The following CLUH variants were observed in gnomAD, a reference collection of about 807,000 sequenced individuals.
CLUH encodes clustered mitochondria protein homolog.
In CLUH, 77 loss-of-function variants were observed where a neutral mutation model predicts 139.3. The ratio of observed to expected loss-of-function variants is 0.55; its 90% CI spans 0.46 to 0.67. CLUH has a LOEUF of 0.67. Ranked by LOEUF, CLUH falls within the 30% of genes least tolerant of loss-of-function variation. The probability of loss-of-function intolerance (pLI) is 0.00; values close to 1 mark genes in which losing one functional copy is unlikely to be tolerated. For synonymous variants in CLUH, 999 were observed against 801.6 expected, an observed-to-expected ratio of 1.25 and a Z score of -4.16; for missense variants, 1,876 against 1,875.8, an observed-to-expected ratio of 1.00 and a Z score of 0.00.
At chr17:2,696,361 C>G (rs1012302136) in intron 12 of CLUH, 73 bp downstream of exon 12, 2 of 1,513,382 alleles carry the variant, frequency 1.3e-6, no homozygotes, top group African/African-American at 1.4e-5. Context: ...ACCCACCAGC[C>G]CCAAGGGCCC....
At position 2,691,851 on chromosome 17, in the gene CLUH, G is replaced by T; in HGVS notation, c.3699C>A (p.Leu1233=). The stretch of plus-strand genomic sequence containing the variant: ...CCACGGCCTGCTGGGTCAGGCACTT[G>T]AGGTACTCGGAGCTTTCCTTGGTCT... ...HEKTKESSEY[L]KCLTQQAVAL... Residue 1233 remains leucine (L), a synonymous_variant, in exon 24 of 26, where the codon CTC becomes CTA. Transcript: ENST00000651024. 1 of 1,550,736 alleles carries T rather than the reference G, an allele frequency of 6.4e-7. No individual in the cohort carries two copies.
intron 10 of CLUH, 27 bp from the exon 11 acceptor site, chr17:2,696,969 A>T (rs2069972741): frequency 1.3e-6 from 2 of 1,499,040 alleles, no homozygotes; most frequent in Non-Finnish European, 1.8e-6. Context: ...AGGGCAGAGC[A>T]GGAGCTGGAC....
intron 9 of CLUH, among the ~76,000 whole-genome samples, chr17:2,698,842 G>A (rs2070072531): frequency 6.6e-6 from 1 of 152,054 alleles, no homozygotes; most frequent in Non-Finnish European, 1.5e-5. Context: ...TCACGAGTTC[G>A]AGACCAGCCT....
chr17:2,708,867 G>C (rs572428998), intron 1 of CLUH, among the ~76,000 whole-genome samples: 92 of 87,028 alleles, frequency 1.1e-3, no homozygotes, highest in Non-Finnish European at 1.9e-3. Context: ...ACTCGGGGGG[G>C]GGGGAGCAGA....
At chr17:2,709,098 C>T (rs1399181046) in intron 1 of CLUH, among the ~76,000 whole-genome samples, 4 of 152,288 alleles carry the variant, frequency 2.6e-5, no homozygotes, top group South Asian at 2.1e-4. Context: ...CTGGAGGCGC[C>T]GGGAGCTCAA....
At chr17:2,697,859 C>CT in intron 10 of CLUH, 37 bp downstream of exon 10, 4 of 1,445,250 alleles carry the variant, frequency 2.8e-6, no homozygotes, top group Non-Finnish European at 3.6e-6. Context: ...CTCCCTGCAG[C>CT]TGGCCCCGGC....
chr17:2,711,773 T>C, upstream of CLUH: 1 of 324,332 alleles, frequency 3.1e-6, no homozygotes, highest in Non-Finnish European at 4.4e-6. Context: ...CCGGCCCACG[T>C]GGTGCGCGCC....
intron 1 of CLUH, among the ~76,000 whole-genome samples, chr17:2,709,646 AG>A (rs1291436251): frequency 1.3e-5 from 2 of 152,118 alleles, no homozygotes; most frequent in Non-Finnish European, 2.9e-5. Flanking sequence ...ATTCCCAGGA[AG>A]GTAACCAACC....
chr17:2,700,272 A>T, intron 9 of CLUH, 110 bp downstream of exon 9: 2 of 1,003,436 alleles, frequency 2.0e-6, no homozygotes, highest in Non-Finnish European at 2.9e-6. Context: ...GGGGAACCTG[A>T]CAGGGTTAGG....
intron 9 of CLUH, among the ~76,000 whole-genome samples, chr17:2,699,882 G>A (rs140121106): frequency 2.6e-5 from 4 of 151,674 alleles, no homozygotes; most frequent in Admixed American, 6.6e-5. Flanking sequence ...CGCCCGCCTC[G>A]GCCTCCCAAA....
chr17:2,698,362 C>T lies in CLUH; in HGVS notation c.1495G>A (p.Ala499Thr), dbSNP rs750272370. 1 of 1,613,226 alleles carries T rather than the reference C, an allele frequency of 6.2e-7. No individual in the cohort carries two copies. Among genetic ancestry groups the T allele is most frequent in the Admixed American group, 1.7e-5 (1 of 59,996 alleles). The change falls in exon 10 of 26, where the codon GCG becomes ACG. Residue 499 changes from alanine (A) to threonine (T), a missense_variant. Ala to Thr is a moderately conservative substitution (Grantham distance 58). Coordinates refer to ENST00000651024, the MANE Select transcript of CLUH (RefSeq NM_001366661.1). Reference sequence around the variant, plus strand: ...GTGTACAGCCCCTCCACGTCCACCGCGTTGTACGTGCGGACGCCATTCAGG... The same window carrying T: ...GTGTACAGCCCCTCCACGTCCACCGTGTTGTACGTGCGGACGCCATTCAGG... ...NDLNGVRTYN[A>T]VDVEGLYTLG...
chr17:2,698,728 T>A (rs895331012), intron 9 of CLUH, 138 bp from the exon 10 acceptor site: 16 of 776,096 alleles, frequency 2.1e-5, no homozygotes, highest in Non-Finnish European at 3.2e-5. Flanking sequence ...CTCAGTTTCC[T>A]CATATGTAGA....
Position 2,690,672 on chromosome 17 carries a change from G to C in CLUH, c.3969C>G (p.Pro1323=), listed in dbSNP as rs764056177. 15 of 1,553,938 alleles carry C rather than the reference G, an allele frequency of 9.7e-6. No homozygotes were observed. Among genetic ancestry groups the C allele is most frequent in the Admixed American group, 2.1e-5 (1 of 47,118 alleles). ...DRAEEPMATE[P]APAGAPGDLG... ...GGTCTCCTGGGGCCCCCGCTGGCGCGGGCTCGGTAGCCATGGGCTCCTCGG... is the reference window on the plus strand; with the variant it reads ...GGTCTCCTGGGGCCCCCGCTGGCGCCGGCTCGGTAGCCATGGGCTCCTCGG... The change falls in exon 26 of 26, where the codon CCC becomes CCG. Residue 1323 remains proline, a synonymous_variant. Coordinates refer to ENST00000651024, the MANE Select transcript of CLUH (RefSeq NM_001366661.1).
At position 2,690,345 on chromosome 17, in the gene CLUH, C is replaced by A; in HGVS notation, c.*249G>T. 1 of 414,616 alleles carries A rather than the reference C, an allele frequency of 2.4e-6. No individual in the cohort carries two copies. 25.7% of individuals were successfully genotyped at this position (414,616 alleles called of 1,614,324 possible). A position where few individuals can be genotyped will look rare whatever the true frequency, so the allele number is the denominator to read the frequency against. On this transcript the variant is annotated 3_prime_UTR_variant, in exon 26 of 26. Transcript: ENST00000651024. ...GCAACACCTGCCCCCCAGCCGGGAACTGATGGCCGCACACGCCATTCACGT... is the reference window on the plus strand; with the variant it reads ...GCAACACCTGCCCCCCAGCCGGGAAATGATGGCCGCACACGCCATTCACGT...
chr17:2,695,138 C>G, intron 15 of CLUH, 37 bp from the exon 16 acceptor site: 1 of 1,612,892 alleles, frequency 6.2e-7, no homozygotes, highest in Non-Finnish European at 8.5e-7. Flanking sequence ...TGAGGGCCCT[C>G]AGCCCCACCT....
Position 2,697,984 on chromosome 17 carries a change from C to A in CLUH, c.1873G>T (p.Glu625Ter). Residue 625 changes from glutamate to a stop codon, truncating the protein, a stop_gained, in exon 10 of 26, where the codon GAA (glutamate) becomes TAA (stop). Transcript: ENST00000651024. LOFTEE classifies it high-confidence loss of function. ...CGGGGGAAGCCGGCGCGGGCGCATT[C>A]CTCAGGCAGCTCCTCGCCAGGCACG... ...LPVPGEELPE[E>*]CARAGFPRAH... 1 of 1,591,360 alleles carries A rather than the reference C, an allele frequency of 6.3e-7. No homozygotes were observed.
chr17:2,692,984 A>G, intron 19 of CLUH, 124 bp from the exon 20 acceptor site: 1 of 883,280 alleles, frequency 1.1e-6, no homozygotes, highest in Non-Finnish European at 1.7e-6. Flanking sequence ...GGCTGCGCCC[A>G]GCACAGTGCA....
At chr17:2,692,301 C>A in intron 22 of CLUH, 60 bp downstream of exon 22, 1 of 1,479,972 alleles carries the variant, frequency 6.8e-7, no homozygotes, top group Non-Finnish European at 8.9e-7. Context: ...TCTTCCCCGC[C>A]CCCGCCGGCT....
rs757606385 is a variant in CLUH, at chr17:2,693,939, GAGGCGCAGGC to G, written c.3182_3191del (p.Cys1061SerfsTer16). 9.9e-6 allele frequency: 16 copies of G among 1,613,662 alleles called. No homozygotes were observed. The highest frequency in any genetic ancestry group is 1.1e-5 in the South Asian group (1 of 91,090). ...CCATGATGTAGTGGAGGCGGGCGAG[GAGGCGCAGGC>G]AGGCGCAGGTCTCCACGTGCATGGC... On this transcript the variant is annotated frameshift_variant, in exon 19 of 26. Transcript: ENST00000651024. LOFTEE classifies it high-confidence loss of function.
Sources: allele counts gnomAD v4.1 joint callset (sites outside exome capture counted in the v4.1 genomes callset), GRCh38; gene constraint gnomAD v4.1.1; transcripts MANE v1.5; gene names NCBI Gene and HGNC (gene_info 2026-07-23, HGNC 2026-07-21).